PIEZO2: variants seen among roughly 807,000 people sequenced by gnomAD.
PIEZO2 encodes the protein piezo type mechanosensitive ion channel component 2, also known as piezo-type mechanosensitive ion channel component 2.
In PIEZO2, 172 loss-of-function variants were observed where a neutral mutation model predicts 337.3. The observed-to-expected ratio is 0.51, with a 90% CI of 0.45 to 0.58. PIEZO2 has a LOEUF of 0.58. Among genes scored for constraint, PIEZO2 ranks in the 20% least tolerant of loss-of-function variants. The pLI, the probability that PIEZO2 is intolerant of heterozygous loss-of-function variation, is 0.00. For synonymous variants in PIEZO2, 1,251 were observed against 1,228.5 expected (o/e 1.02, Z -0.38); for missense variants, 3,028 against 3,391.3 (o/e 0.89, Z 2.66).
intron 49 of PIEZO2, among the ~76,000 whole-genome samples, chr18:10,684,365 C>T (rs1231143758): frequency 1.3e-5 from 2 of 150,790 alleles, no homozygotes; most frequent in Non-Finnish European, 3.0e-5. Flanking sequence ...CAGGGTTTCA[C>T]CATGTTAGCC....
chr18:10,941,987 T>C (rs2032751080), intron 3 of PIEZO2, among the ~76,000 whole-genome samples: 1 of 152,152 alleles, frequency 6.6e-6, no homozygotes, highest in South Asian at 2.1e-4. Context: ...GTTTTAAAGA[T>C]GGGAGTTTCT....
At chr18:10,733,472 TG>T (rs1186964067) in intron 35 of PIEZO2, among the ~76,000 whole-genome samples, 1 of 128,674 alleles carries the variant, frequency 7.8e-6, no homozygotes, top group African/African-American at 3.2e-5. Flanking sequence ...TTTTTTGAGA[TG>T]GAGTCTTGCT....
chr18:11,061,007 A>G lies in PIEZO2; in HGVS notation c.160+5120T>C, dbSNP rs148227925. ...ATGAATATCGATGCAAAAGTCCTCAATAAAATACTAGCAAACCGAATCCAG... is the reference window on the plus strand; with the variant it reads ...ATGAATATCGATGCAAAAGTCCTCAGTAAAATACTAGCAAACCGAATCCAG... On this transcript the variant is annotated intron_variant, in intron 2 of 55. Transcript: ENST00000674853. 6.0e-3 allele frequency among the ~76,000 whole-genome samples: 920 copies of G among 152,370 alleles called. 7 individuals are homozygous for G. The highest frequency in any genetic ancestry group is 9.6e-3 in the Non-Finnish European group (651 of 68,044).
chr18:10,849,029 C>T (rs573933102), intron 7 of PIEZO2, among the ~76,000 whole-genome samples: 36 of 152,006 alleles, frequency 2.4e-4, no homozygotes, highest in Non-Finnish European at 4.7e-4. Context: ...TTTTTTGAGA[C>T]AGAATCTCGC....
In PIEZO2 at chr18:10,765,805, G is replaced by C. The variant is rs571796897; in HGVS notation, c.2947-2707C>G. The stretch of plus-strand genomic sequence containing the variant: ...CCAGAACAGAAACACGCTGTGGACA[G>C]AGACTGAGGAACATGCTGAGGAAGC... On this transcript the variant is annotated intron_variant, in intron 21 of 55. Coordinates refer to ENST00000674853, the MANE Select transcript of PIEZO2 (RefSeq NM_001378183.1). Among the ~76,000 whole-genome samples the C allele has an allele frequency of 2.2e-3, 332 of 152,196 alleles. 3 individuals are homozygous for C. The highest frequency in any genetic ancestry group is 7.7e-3 in the African/African-American group (320 of 41,526).
intron 1 of PIEZO2, among the ~76,000 whole-genome samples, chr18:11,091,314 G>T (rs1259135710): frequency 6.6e-6 from 1 of 151,024 alleles, no homozygotes; most frequent in African/African-American, 2.4e-5. Flanking sequence ...ACCCCGGGAG[G>T]CGGAGGTTGC....
chr18:11,041,885 A>T (rs772723116), intron 2 of PIEZO2, among the ~76,000 whole-genome samples: 1 of 152,142 alleles, frequency 6.6e-6, no homozygotes, highest in Non-Finnish European at 1.5e-5. Flanking sequence ...GGCATTGAAA[A>T]CTATCTCTAG....
chr18:11,074,186 A>G (rs1428732022), intron 1 of PIEZO2, among the ~76,000 whole-genome samples: 1 of 152,072 alleles, frequency 6.6e-6, no homozygotes, highest in Non-Finnish European at 1.5e-5. Context: ...GCCTTTGTTC[A>G]AGATCTGGAG....
chr18:11,007,556 G>A (rs918361592), intron 2 of PIEZO2, among the ~76,000 whole-genome samples: 7 of 152,082 alleles, frequency 4.6e-5, no homozygotes, highest in South Asian at 4.1e-4. Context: ...AAAATCACTC[G>A]TAGATGCAGT....
chr18:10,759,367 T>A lies in PIEZO2; in HGVS notation c.3757+115A>T, dbSNP rs2038023171. The A allele has an allele frequency of 5.8e-6, 5 of 864,586 alleles. No homozygotes were observed. The highest frequency in any genetic ancestry group is 9.0e-6 in the Non-Finnish European group (5 of 556,842). The allele number at this position is 864,586 out of a possible 1,614,324, so 53.6% of individuals were successfully genotyped here. The stretch of plus-strand genomic sequence containing the variant: ...GATATTAATGCATAAGACAAGCCTT[T>A]ACATGATTACGAAGTCTAGTGGAAG... On this transcript the variant is annotated intron_variant, in intron 26 of 55. Transcript: ENST00000674853. The surrounding 1 kb of genome is among the most constrained non-coding windows in gnomAD (Gnocchi z 5.5).
At chr18:10,966,790 GTCCCC>G (rs1367538276) in intron 3 of PIEZO2, among the ~76,000 whole-genome samples, 1 of 151,838 alleles carries the variant, frequency 6.6e-6, no homozygotes, top group Non-Finnish European at 1.5e-5. Flanking sequence ...TTTCCCCCGA[GTCCCC>G]AAAGTCCATT....
chr18:10,941,904 T>C (rs2032744580), intron 3 of PIEZO2, among the ~76,000 whole-genome samples: 1 of 152,190 alleles, frequency 6.6e-6, no homozygotes, highest in South Asian at 2.1e-4. Flanking sequence ...CAGTGGGAGA[T>C]GACTGAATCA....
Position 10,768,914 on chromosome 18 carries a change from C to T in PIEZO2, c.2946+1234G>A, listed in dbSNP as rs781001622. Among the ~76,000 whole-genome samples, 6 of 152,086 alleles carry T rather than the reference C, an allele frequency of 3.9e-5. No homozygotes were observed. In the East Asian group the frequency reaches 9.7e-4, roughly 24 times the overall value. On this transcript the variant is annotated intron_variant, in intron 21 of 55. Coordinates refer to ENST00000674853, the MANE Select transcript of PIEZO2 (RefSeq NM_001378183.1). ...TTTATGACAGCAGATTCTCTGCGTC[C>T]GACTCCCATGAATTTCCGCTCCCCC... is the stretch of plus-strand genomic sequence containing the variant.
rs2041642026 is a variant in PIEZO2 at position 10,854,375 on chromosome 18, T to A, written c.917+978A>T. On this transcript the variant is annotated intron_variant, in intron 7 of 55. Transcript: ENST00000674853. The surrounding 1 kb of genome is among the most constrained non-coding windows in gnomAD (Gnocchi z 4.6). The stretch of plus-strand genomic sequence containing the variant: ...TGCAATTAGCAAGCACCAACAAGGT[T>A]CTACTTTGTCATTGTGCAACCACCA... Among the ~76,000 whole-genome samples the A allele has an allele frequency of 6.6e-6, 1 of 152,222 alleles. No homozygotes were observed. Among genetic ancestry groups the A allele is most frequent in the Non-Finnish European group, 1.5e-5 (1 of 68,040 alleles).
At position 10,807,139 on chromosome 18, in the gene PIEZO2, CAGAGTGG is replaced by C. The variant is rs1459052631; in HGVS notation, c.1046_1052del (p.Ala349GlyfsTer30). 6.5e-7 allele frequency: 1 copy of C among 1,536,832 alleles called. No homozygotes were observed. Among genetic ancestry groups the C allele is most frequent in the Non-Finnish European group, 8.7e-7 (1 of 1,146,788 alleles). On this transcript the variant is annotated frameshift_variant, in exon 8 of 56. Coordinates refer to ENST00000674853, the MANE Select transcript of PIEZO2 (RefSeq NM_001378183.1). LOFTEE classifies it high-confidence loss of function. ...GGGGCTCTTGCAGCCAGATGCGGAT[CAGAGTGG>C]CCAGAGTGTAGTACATCACCAGCAG...
At chr18:11,115,155 A>G (rs1318388619) in intron 1 of PIEZO2, among the ~76,000 whole-genome samples, 1 of 152,214 alleles carries the variant, frequency 6.6e-6, no homozygotes, top group Non-Finnish European at 1.5e-5. Context: ...GTTTGGTTAT[A>G]GACAGTTAAA....
intron 49 of PIEZO2, among the ~76,000 whole-genome samples, chr18:10,683,618 C>T (rs531422492): frequency 6.6e-5 from 10 of 152,312 alleles, no homozygotes; most frequent in Middle Eastern, 3.4e-3. Context: ...ATTTTAAAAT[C>T]TGAAATATAT....
rs577216894 is a variant in PIEZO2 at position 10,870,475 on chromosome 18, T to C, written c.492+778A>G. On this transcript the variant is annotated intron_variant, in intron 5 of 55. Coordinates refer to ENST00000674853, the MANE Select transcript of PIEZO2 (RefSeq NM_001378183.1). The surrounding 1 kb of genome is among the most constrained non-coding windows in gnomAD (Gnocchi z 5.3). ...AAATAGTCACTTTTTCCTTTATAAA[T>C]GTTATCTTTCCACTAATAAATCAAT... Among the ~76,000 whole-genome samples the C allele has an allele frequency of 3.2e-4, 48 of 151,416 alleles. 1 individual carries two copies. Among genetic ancestry groups the C allele is most frequent in the African/African-American group, 1.1e-3 (44 of 41,492 alleles).
chr18:10,856,395 T>C lies in PIEZO2; in HGVS notation c.703+606A>G, dbSNP rs551288743. Among the ~76,000 whole-genome samples, 41 of 152,292 alleles carry C rather than the reference T, an allele frequency of 2.7e-4. No homozygotes were observed. The highest frequency in any genetic ancestry group is 9.6e-4 in the African/African-American group (40 of 41,564). The stretch of plus-strand genomic sequence containing the variant: ...GCTAAGTTGCTGCATCTTTGCAGTT[T>C]GCTTGAGTCTACTCTAATACGCCTC... On this transcript the variant is annotated intron_variant, in intron 6 of 55. Transcript: ENST00000674853. The surrounding 1 kb of genome is among the most constrained non-coding windows in gnomAD (Gnocchi z 4.7).
Sources: gnomAD v4.1 joint callset for allele counts (sites outside exome capture counted in the v4.1 genomes callset) on GRCh38, gnomAD v4.1.1 for gene constraint, Gnocchi (gnomAD v3.1) non-coding constraint, MANE v1.5 for transcripts, NCBI Gene and HGNC (gene_info 2026-07-23, HGNC 2026-07-21) for gene names.